FRMD4A: variants seen among roughly 807,000 people sequenced by gnomAD.
The protein encoded by FRMD4A is FERM domain containing 4A.
In FRMD4A, 29 loss-of-function variants were observed where a neutral mutation model predicts 129.1. That is an observed-to-expected ratio of 0.22 (90% CI 0.17 to 0.31). The LOEUF (loss-of-function observed/expected upper bound fraction) is 0.31, where lower values mean the gene tolerates loss of function less well. FRMD4A is among the 10% of genes least tolerant of loss of function. The pLI is 1.00. For missense variants in FRMD4A, 1,272 were observed against 1,375.8 expected (o/e 0.92, Z 1.19); for synonymous variants, 634 against 571.6 (o/e 1.11, Z -1.56).
At chr10:14,238,676 C>G (rs1219277950) in intron 2 of FRMD4A, among the ~76,000 whole-genome samples, 5 of 152,200 alleles carry the variant, frequency 3.3e-5, no homozygotes, top group African/African-American at 1.2e-4. Flanking sequence ...AATGCTCTCC[C>G]TCCCCTTATG....
chr10:13,815,387 C>T (rs149921516), intron 3 of FRMD4A, among the ~76,000 whole-genome samples: 194 of 152,156 alleles, frequency 1.3e-3, no homozygotes, highest in African/African-American at 4.3e-3. Context: ...GAGGTTGTCA[C>T]GGGCTGAGGT....
chr10:13,747,354 T>C (rs549062606), intron 9 of FRMD4A, among the ~76,000 whole-genome samples: 2 of 151,534 alleles, frequency 1.3e-5, no homozygotes, highest in East Asian at 1.9e-4. Context: ...CTGGCCAACA[T>C]GGTGAAACCC....
At chr10:13,960,466 A>G (rs1364788285) in intron 2 of FRMD4A, among the ~76,000 whole-genome samples, 1 of 152,136 alleles carries the variant, frequency 6.6e-6, no homozygotes, top group East Asian at 1.9e-4. Flanking sequence ...GACATGTACT[A>G]TTTCTCAGGT....
intron 15 of FRMD4A, among the ~76,000 whole-genome samples, chr10:13,676,496 A>G (rs1276766679): frequency 6.8e-6 from 1 of 147,922 alleles, no homozygotes; most frequent in Non-Finnish European, 1.5e-5. Flanking sequence ...GCTGGTCTTG[A>G]ACTCCTGACC....
intron 2 of FRMD4A, among the ~76,000 whole-genome samples, chr10:13,955,125 T>TTTTTTTTTTTTTTTTTA (rs2095402289): frequency 2.0e-5 from 3 of 147,696 alleles, no homozygotes; most frequent in South Asian, 2.2e-4. Context: ...TTTTTTTTTT[T>TTTTTTTTTTTTTTTTTA]GAGACGGAGT....
intron 2 of FRMD4A, among the ~76,000 whole-genome samples, chr10:14,288,995 A>G (rs569170299): frequency 5.9e-5 from 9 of 152,276 alleles, no homozygotes; most frequent in Non-Finnish European, 1.2e-4. Context: ...CAGTATATGT[A>G]TATACTACAT....
In FRMD4A at chr10:13,701,432, G is replaced by T. The variant is rs1323336230; in HGVS notation, c.883C>A (p.His295Asn). 2 of 1,613,672 alleles carry T rather than the reference G, an allele frequency of 1.2e-6. No homozygotes were observed. The highest frequency in any genetic ancestry group is 1.7e-6 in the Non-Finnish European group (2 of 1,179,670). ...AATGCCGGACATGCATACCACGTGT[G>T]CACTGCAATGCCGCTGTGCCCAAAC... is the stretch of plus-strand genomic sequence containing the variant. ...RTFGHSGIAV[H>N]TWYACPALIK... The change falls in exon 14 of 25, where the codon CAC becomes AAC. Residue 295 changes from histidine (H) to asparagine (N), a missense_variant. This residue lies in a region of FRMD4A where 300 missense variants were observed against 483.6 expected (regional missense o/e 0.62). Coordinates refer to ENST00000357447, the MANE Select transcript of FRMD4A (RefSeq NM_018027.5).
intron 2 of FRMD4A, among the ~76,000 whole-genome samples, chr10:14,308,753 A>G (rs1362162465): frequency 6.6e-6 from 1 of 152,158 alleles, no homozygotes; most frequent in Non-Finnish European, 1.5e-5. Flanking sequence ...CTGTCTTCCC[A>G]GTAGGCCCAG....
At chr10:14,262,376 C>T (rs140458962) in intron 2 of FRMD4A, among the ~76,000 whole-genome samples, 4 of 152,170 alleles carry the variant, frequency 2.6e-5, no homozygotes, top group Admixed American at 6.5e-5. Flanking sequence ...GGTTATTGTG[C>T]ATGTTAAAAT....
chr10:13,699,013 TC>T (rs1410041365), intron 14 of FRMD4A, among the ~76,000 whole-genome samples: 26 of 151,576 alleles, frequency 1.7e-4, no homozygotes, highest in Middle Eastern at 3.2e-3. Context: ...TGGTTTTACC[TC>T]CTAAAAGACA....
chr10:13,778,173 A>G (rs2092645967), intron 6 of FRMD4A, among the ~76,000 whole-genome samples: 1 of 151,974 alleles, frequency 6.6e-6, no homozygotes, highest in Non-Finnish European at 1.5e-5. Flanking sequence ...CAAGGCTGCC[A>G]CCTGGTGGAG....
At chr10:14,143,031 A>G (rs1424645621) in intron 2 of FRMD4A, among the ~76,000 whole-genome samples, 1 of 152,222 alleles carries the variant, frequency 6.6e-6, no homozygotes, top group Admixed American at 6.5e-5. Context: ...ATCCTTGTAC[A>G]CTGTTGGTGG....
intron 2 of FRMD4A, among the ~76,000 whole-genome samples, chr10:14,174,704 C>G (rs527583818): frequency 6.6e-6 from 1 of 152,254 alleles, no homozygotes; most frequent in South Asian, 2.1e-4. Context: ...TTCTAAATAC[C>G]CATGTTCAGC....
At chr10:13,738,280 C>G (rs1007149714) in intron 11 of FRMD4A, among the ~76,000 whole-genome samples, 1 of 152,174 alleles carries the variant, frequency 6.6e-6, no homozygotes, top group Non-Finnish European at 1.5e-5. Flanking sequence ...TGCCGGGATG[C>G]TCACTCACCA....
At position 13,666,390 on chromosome 10, in the gene FRMD4A, C is replaced by T. The variant is rs1317643079; in HGVS notation, c.1375-65G>A. The stretch of plus-strand genomic sequence containing the variant: ...CTGAGCAGGGAGACCCTCATCCTTC[C>T]CTCCCCTGTCCCAAGGCAAGTCCAG... On this transcript the variant is annotated intron_variant, in intron 17 of 24. Coordinates refer to ENST00000357447, the MANE Select transcript of FRMD4A (RefSeq NM_018027.5). 1.6e-5 allele frequency: 18 copies of T among 1,112,324 alleles called. No homozygotes were observed. The Admixed American group carries it at 2.9e-4, about 18-fold the overall frequency. 68.9% of individuals were successfully genotyped at this position (1,112,324 alleles called of 1,614,324 possible).
intron 13 of FRMD4A, among the ~76,000 whole-genome samples, chr10:13,702,556 G>A (rs1165779024): frequency 4.6e-5 from 7 of 152,074 alleles, no homozygotes; most frequent in African/African-American, 1.7e-4. Context: ...GTGTGTGTGT[G>A]TGTGTGTGTG....
At chr10:13,662,796 C>T (rs2082733296) in intron 19 of FRMD4A, among the ~76,000 whole-genome samples, 1 of 152,186 alleles carries the variant, frequency 6.6e-6, no homozygotes, top group Non-Finnish European at 1.5e-5. Flanking sequence ...TCCTTACACT[C>T]TCCTAGTGGG....
Position 13,830,452 on chromosome 10 carries a change from C to A in FRMD4A, c.112-19544G>T, listed in dbSNP as rs192865894. Among the ~76,000 whole-genome samples the A allele has an allele frequency of 3.9e-5, 6 of 152,324 alleles. No homozygotes were observed. The East Asian group carries it at 1.2e-3, about 29-fold the overall frequency. ...CTTCTCCAAAGCCAAACTATAGACT[C>A]TGAATGAGCCCTGAGCCAAGATGAG... On this transcript the variant is annotated intron_variant, in intron 3 of 24. Coordinates refer to ENST00000357447, the MANE Select transcript of FRMD4A (RefSeq NM_018027.5).
intron 2 of FRMD4A, among the ~76,000 whole-genome samples, chr10:14,127,950 CTT>C (rs1564319090): frequency 1.9e-3 from 39 of 20,910 alleles, no homozygotes; most frequent in African/African-American, 4.6e-3. Context: ...TTCTTTCTTT[CTT>C]TCTTTCTTTC....
Sources: allele counts gnomAD v4.1 joint callset (sites outside exome capture counted in the v4.1 genomes callset), GRCh38; gene constraint gnomAD v4.1.1; regional missense constraint gnomAD v4.1.1; transcripts MANE v1.5; gene names NCBI Gene and HGNC (gene_info 2026-07-23, HGNC 2026-07-21).